Variants in CSMD1 observed in about 807,000 individuals in gnomAD.
CSMD1 encodes CUB and Sushi multiple domains 1.
CSMD1 carries 213 observed loss-of-function variants against 417.5 expected under a neutral mutation model. The ratio of observed to expected loss-of-function variants is 0.51; its 90% CI spans 0.46 to 0.57. The LOEUF (loss-of-function observed/expected upper bound fraction) is 0.57, where lower values mean the gene tolerates loss of function less well. Ranked by LOEUF, CSMD1 falls within the 20% of genes least tolerant of loss-of-function variation. The pLI is 0.00. For synonymous variants in CSMD1, 2,862 were observed against 1,736.8 expected (o/e 1.65, Z -16.11); for missense variants, 6,923 against 4,529.7 (o/e 1.53, Z -15.17).
At chr8:4,135,354 AGGAG>A (rs1204849383) in intron 3 of CSMD1, among the ~76,000 whole-genome samples, 2 of 44,732 alleles carry the variant, frequency 4.5e-5, no homozygotes, top group African/African-American at 1.4e-4. Flanking sequence ...AGGAAGGGAA[AGGAG>A]GGAAGGAAGG....
chr8:3,869,293 C>T (rs1288396923), intron 5 of CSMD1, among the ~76,000 whole-genome samples: 1 of 152,154 alleles, frequency 6.6e-6, no homozygotes, highest in East Asian at 1.9e-4. Flanking sequence ...CCACATTCTC[C>T]TTCTCTGCTT....
At chr8:4,345,121 C>A (rs1400087263) in intron 3 of CSMD1, among the ~76,000 whole-genome samples, 2 of 152,126 alleles carry the variant, frequency 1.3e-5, no homozygotes, top group African/African-American at 4.8e-5. Flanking sequence ...GGAGCTAAAC[C>A]TGTCAGTAAT....
intron 3 of CSMD1, among the ~76,000 whole-genome samples, chr8:4,166,117 G>A (rs1187121432): frequency 6.6e-6 from 1 of 152,130 alleles, no homozygotes; most frequent in Non-Finnish European, 1.5e-5. Flanking sequence ...GAGCAGCACT[G>A]TCTGATGCAA....
At chr8:4,644,062 G>A (rs188670658) in intron 1 of CSMD1, among the ~76,000 whole-genome samples, 148 of 152,308 alleles carry the variant, frequency 9.7e-4, no homozygotes, top group African/African-American at 3.4e-3. Context: ...GAGGCAGCCT[G>A]CCTGAAAGAG....
chr8:3,933,950 A>G (rs1175536582), intron 5 of CSMD1, among the ~76,000 whole-genome samples: 1 of 152,144 alleles, frequency 6.6e-6, no homozygotes, highest in East Asian at 1.9e-4. Flanking sequence ...CCAGGGACCT[A>G]GGCAGGGACC....
chr8:3,399,500 T>C lies in CSMD1; in HGVS notation c.2296A>G (p.Ser766Gly). 6.2e-7 allele frequency: 1 copy of C among 1,605,570 alleles called. No individual in the cohort carries two copies. Residue 766 changes from serine (S) to glycine (G), a missense_variant, in exon 16 of 70, where the codon AGC (serine) becomes GGC (glycine). Coordinates refer to ENST00000635120, the MANE Select transcript of CSMD1 (RefSeq NM_033225.6). ...APCGGHLTAS[S>G]GVILPPGWPG... ...CATCCAGGAGGCAAAATGACTCCGC[T>C]GGACGCTGTCAGATGTCCACCACAT... is the stretch of plus-strand genomic sequence containing the variant.
intron 51 of CSMD1, among the ~76,000 whole-genome samples, chr8:3,026,720 C>A (rs574406095): frequency 2.0e-5 from 3 of 152,310 alleles, no homozygotes; most frequent in African/African-American, 7.2e-5. Flanking sequence ...GAAGCTGGGC[C>A]GTAGCGAATC....
intron 10 of CSMD1, among the ~76,000 whole-genome samples, chr8:3,545,499 G>C (rs907040718): frequency 2.0e-5 from 3 of 152,284 alleles, no homozygotes; most frequent in East Asian, 1.9e-4. Flanking sequence ...TTGAAGAGGT[G>C]AGTGATAAAG....
intron 7 of CSMD1, among the ~76,000 whole-genome samples, chr8:3,664,431 T>G (rs1798577466): frequency 6.6e-6 from 1 of 152,226 alleles, no homozygotes; most frequent in Non-Finnish European, 1.5e-5. Flanking sequence ...AAAACCATGT[T>G]ATTCTGGGCA....
intron 7 of CSMD1, among the ~76,000 whole-genome samples, chr8:3,646,964 T>C (rs1797606666): frequency 6.6e-6 from 1 of 152,166 alleles, no homozygotes. Flanking sequence ...ATCCTCTCTA[T>C]AACTATTCCC....
chr8:4,230,258 T>C (rs906940034), intron 3 of CSMD1, among the ~76,000 whole-genome samples: 4 of 152,216 alleles, frequency 2.6e-5, no homozygotes, highest in African/African-American at 9.6e-5. Flanking sequence ...ATTTATATCG[T>C]TGAGTATCTT....
intron 1 of CSMD1, among the ~76,000 whole-genome samples, chr8:4,923,660 T>C (rs1257336260): frequency 6.6e-6 from 1 of 152,148 alleles, no homozygotes; most frequent in African/African-American, 2.4e-5. Context: ...ACATGTTCTC[T>C]CCTGGTATAC....
At chr8:3,878,278 A>G (rs1264501343) in intron 5 of CSMD1, among the ~76,000 whole-genome samples, 1 of 152,186 alleles carries the variant, frequency 6.6e-6, no homozygotes, top group African/African-American at 2.4e-5. Flanking sequence ...GAATGGGACT[A>G]AAATAAATCA....
At chr8:4,433,642 C>A (rs917575736) in intron 2 of CSMD1, among the ~76,000 whole-genome samples, 4 of 152,198 alleles carry the variant, frequency 2.6e-5, no homozygotes, top group Non-Finnish European at 5.9e-5. Context: ...ATGCTCAAAT[C>A]TGCCCTTGTC....
chr8:3,859,717 C>T (rs1804564919), intron 5 of CSMD1, among the ~76,000 whole-genome samples: 1 of 152,222 alleles, frequency 6.6e-6, no homozygotes, highest in South Asian at 2.1e-4. Flanking sequence ...TCAGTAATAA[C>T]TCTGGACACA....
At chr8:3,372,560 G>A (rs1810030051) in intron 18 of CSMD1, among the ~76,000 whole-genome samples, 1 of 152,112 alleles carries the variant, frequency 6.6e-6, no homozygotes, top group African/African-American at 2.4e-5. Flanking sequence ...AGAGCCGGTG[G>A]GACTTTCTCC....
intron 10 of CSMD1, among the ~76,000 whole-genome samples, chr8:3,568,449 T>G (rs1030107419): frequency 1.3e-5 from 2 of 152,124 alleles, no homozygotes; most frequent in African/African-American, 2.4e-5. Context: ...AACAAATCAG[T>G]AAGATGTACT....
In CSMD1 at chr8:4,137,538, T is replaced by G. The variant is rs148743830; in HGVS notation, c.416-105439A>C. On this transcript the variant is annotated intron_variant, in intron 3 of 69. Transcript: ENST00000635120. ...ATTATGGTAGTGTTTAATATTCCAT[T>G]TGTATTATGTTTTCTTTGATGGTTA... Among the ~76,000 whole-genome samples, 50 of 132,104 alleles carry G rather than the reference T, an allele frequency of 3.8e-4. 5 individuals carry two copies. The East Asian group carries it at 0.01, about 27-fold the overall frequency. The allele number at this position is 132,104 out of a possible 152,430, so 86.7% of individuals were successfully genotyped here.
intron 3 of CSMD1, among the ~76,000 whole-genome samples, chr8:4,312,231 G>A (rs71502984): frequency 0.19 from 28,513 of 151,364 alleles, 5,452 homozygotes; most frequent in African/African-American, 0.49. Flanking sequence ...CATAGATAGC[G>A]TAACTGATCA....
Sources: allele counts gnomAD v4.1 joint callset (sites outside exome capture counted in the v4.1 genomes callset), GRCh38; gene constraint gnomAD v4.1.1; transcripts MANE v1.5; gene names NCBI Gene and HGNC (gene_info 2026-07-23, HGNC 2026-07-21).